UBE3D: variants seen among roughly 807,000 people sequenced by gnomAD.
The protein encoded by UBE3D is E3 ubiquitin-protein ligase E3D.
UBE3D carries 48 observed loss-of-function variants against 49.6 expected under a neutral mutation model. The ratio of observed to expected loss-of-function variants is 0.97; its 90% CI spans 0.77 to 1.23. The LOEUF (loss-of-function observed/expected upper bound fraction) is 1.23, where lower values mean the gene tolerates loss of function less well. Ranked by LOEUF, UBE3D falls within the 50% of genes most tolerant of loss-of-function variation. The probability of loss-of-function intolerance (pLI) is 0.00; values close to 1 mark genes in which losing one functional copy is unlikely to be tolerated. For synonymous variants in UBE3D, 189 were observed against 174.2 expected (o/e 1.08, Z -0.67); for missense variants, 452 against 468.4 (o/e 0.96, Z 0.32).
intron 8 of UBE3D, among the ~76,000 whole-genome samples, chr6:82,963,445 A>G (rs1198597064): frequency 6.6e-6 from 1 of 152,180 alleles, no homozygotes; most frequent in Admixed American, 6.5e-5. Context: ...AAGTTTATTA[A>G]GGAGTGTTAA....
At chr6:82,886,711 T>G in the UBE3D span, among the ~76,000 whole-genome samples, 1 of 152,236 alleles carries the variant, frequency 6.6e-6, no homozygotes, top group Non-Finnish European at 1.5e-5. Context: ...TCTAACTTAC[T>G]GGTGATTTCA....
intron 9 of UBE3D, among the ~76,000 whole-genome samples, chr6:82,926,172 C>A (rs1773735939): frequency 6.6e-6 from 1 of 152,074 alleles, no homozygotes; most frequent in Non-Finnish European, 1.5e-5. Flanking sequence ...GGAGTGGAAT[C>A]CAGATAAAAA....
At chr6:82,953,410 G>C (rs1231105214) in intron 9 of UBE3D, among the ~76,000 whole-genome samples, 1 of 152,226 alleles carries the variant, frequency 6.6e-6, no homozygotes, top group Non-Finnish European at 1.5e-5. Context: ...CAGTTTCAAT[G>C]TGGATACCCA....
chr6:83,002,653 C>G (rs997625615), intron 8 of UBE3D, among the ~76,000 whole-genome samples: 3 of 152,240 alleles, frequency 2.0e-5, no homozygotes, highest in African/African-American at 4.8e-5. Flanking sequence ...CCATTGCACT[C>G]CAGCCTGGGC....
the UBE3D span, among the ~76,000 whole-genome samples, chr6:82,885,308 C>G: frequency 2.0e-5 from 3 of 152,116 alleles, no homozygotes; most frequent in African/African-American, 7.2e-5. Flanking sequence ...ATTGGTTTTT[C>G]TAGTGCATCA....
Position 83,034,748 on chromosome 6 carries a change from T to C in UBE3D, c.667+3668A>G, listed in dbSNP as rs1782124075. On this transcript the variant is annotated intron_variant, in intron 5 of 9. Transcript: ENST00000369747. ...AAGTTTCCTGAGGCCTTCCCAGCCATATAGAACTGTGAGACAATTAAACCT... is the reference window on the plus strand; with the variant it reads ...AAGTTTCCTGAGGCCTTCCCAGCCACATAGAACTGTGAGACAATTAAACCT... 2.0e-5 allele frequency among the ~76,000 whole-genome samples: 3 copies of C among 152,336 alleles called. No homozygotes were observed. In the Middle Eastern group the frequency reaches 0.01, roughly 518 times the overall value.
chr6:83,025,005 T>A (rs545532515), intron 5 of UBE3D, among the ~76,000 whole-genome samples: 2 of 152,228 alleles, frequency 1.3e-5, no homozygotes, highest in Non-Finnish European at 2.9e-5. Flanking sequence ...CATAGAACTT[T>A]CTTATACAAA....
Position 82,957,296 on chromosome 6 carries a change from A to T in UBE3D, c.1149+16T>A, listed in dbSNP as rs1776224181. ...AAACTGAGAAATCACGGCCTAGAAA[A>T]GAAGCCATTGCTCACCTGAAAGGAA... On this transcript the variant is annotated intron_variant, in intron 9 of 9. Coordinates refer to ENST00000369747, the MANE Select transcript of UBE3D (RefSeq NM_198920.3). 1 of 1,609,758 alleles carries T rather than the reference A, an allele frequency of 6.2e-7. No homozygotes were observed. The highest frequency in any genetic ancestry group is 1.3e-5 in the African/African-American group (1 of 74,754).
intron 9 of UBE3D, among the ~76,000 whole-genome samples, chr6:82,930,418 G>A (rs1423733979): frequency 6.6e-6 from 1 of 152,184 alleles, no homozygotes; most frequent in Admixed American, 6.5e-5. Context: ...CTGGGTAACA[G>A]GCAGAGGTTG....
At chr6:83,034,173 T>C (rs1276527361) in intron 5 of UBE3D, among the ~76,000 whole-genome samples, 1 of 152,086 alleles carries the variant, frequency 6.6e-6, no homozygotes, top group African/African-American at 2.4e-5. Context: ...TTTTGGGAAG[T>C]GGAATCCTAG....
intron 9 of UBE3D, among the ~76,000 whole-genome samples, chr6:82,919,943 T>C (rs1422801214): frequency 1.3e-5 from 2 of 152,132 alleles, no homozygotes; most frequent in Admixed American, 6.5e-5. Context: ...AAAAAGAAGG[T>C]TCATTGAAAA....
chr6:82,973,685 T>C (rs1001124763), intron 8 of UBE3D, among the ~76,000 whole-genome samples: 3 of 152,080 alleles, frequency 2.0e-5, no homozygotes, highest in Non-Finnish European at 4.4e-5. Flanking sequence ...TTCCAAGGTA[T>C]AAAAAAGACA....
intron 9 of UBE3D, among the ~76,000 whole-genome samples, chr6:82,915,484 G>A (rs558741693): frequency 3.3e-5 from 5 of 152,140 alleles, no homozygotes; most frequent in Middle Eastern, 3.4e-3. Context: ...TGACCACCCC[G>A]CCAACAAGTT....
chr6:83,002,147 C>T lies in UBE3D; in HGVS notation c.1010+16826G>A, dbSNP rs1278817727. Among the ~76,000 whole-genome samples the T allele has an allele frequency of 2.0e-5, 3 of 152,126 alleles. No homozygotes were observed. The East Asian group carries it at 5.8e-4, about 29-fold the overall frequency. On this transcript the variant is annotated intron_variant, in intron 8 of 9. Coordinates refer to ENST00000369747, the MANE Select transcript of UBE3D (RefSeq NM_198920.3). ...GCTGCCCAGCTCTTTTCAGTTTTTC[C>T]TGGAATAGGGGTGGAGTGGGGGACA... is the stretch of plus-strand genomic sequence containing the variant.
chr6:82,926,498 T>A (rs1413597985), intron 9 of UBE3D, among the ~76,000 whole-genome samples: 1 of 152,100 alleles, frequency 6.6e-6, no homozygotes, highest in Non-Finnish European at 1.5e-5. Flanking sequence ...GTATGTTAAG[T>A]TTTCTAAGAA....
the UBE3D span, among the ~76,000 whole-genome samples, chr6:82,886,620 G>A: frequency 9.2e-5 from 14 of 152,138 alleles, no homozygotes; most frequent in Non-Finnish European, 1.2e-4. Flanking sequence ...CAATTGTCAC[G>A]GGATTGGAAA....
At chr6:83,057,791 G>A in intron 2 of UBE3D, 35 bp downstream of exon 2, 1 of 1,603,650 alleles carries the variant, frequency 6.2e-7, no homozygotes, top group Non-Finnish European at 8.5e-7. Context: ...TAACAAAAAG[G>A]TAAATACAGC....
At chr6:82,904,971 G>C (rs1162368358) in intron 9 of UBE3D, among the ~76,000 whole-genome samples, 1 of 152,086 alleles carries the variant, frequency 6.6e-6, no homozygotes, top group Non-Finnish European at 1.5e-5. Context: ...GATTGTGTAG[G>C]GGGCGTCTAA....
intron 9 of UBE3D, among the ~76,000 whole-genome samples, chr6:82,942,543 T>G (rs1775089536): frequency 6.6e-6 from 1 of 152,168 alleles, no homozygotes; most frequent in African/African-American, 2.4e-5. Context: ...AAAATGGTTT[T>G]GTGGGCCAGG....
Sources: allele counts gnomAD v4.1 joint callset (sites outside exome capture counted in the v4.1 genomes callset), GRCh38; gene constraint gnomAD v4.1.1; transcripts MANE v1.5; gene names NCBI Gene and HGNC (gene_info 2026-07-23, HGNC 2026-07-21).